Variants in RMC1 observed in about 807,000 individuals in gnomAD.
RMC1 encodes the protein regulator of MON1-CCZ1.
In RMC1, 44 loss-of-function variants were observed where a neutral mutation model predicts 95.5. That is an observed-to-expected ratio of 0.46 (90% CI 0.36 to 0.59). The LOEUF is 0.59. Ranked by LOEUF, RMC1 falls within the 20% of genes least tolerant of loss-of-function variation. RMC1 has a pLI of 0.00. For missense variants in RMC1, 705 were observed against 819.6 expected (o/e 0.86, Z 1.71); for synonymous variants, 320 against 303.6 (o/e 1.05, Z -0.56).
At chr18:23,523,237 C>T (rs2058191101) in intron 10 of RMC1, among the ~76,000 whole-genome samples, 1 of 152,058 alleles carries the variant, frequency 6.6e-6, no homozygotes. Context: ...CTGATTGTAC[C>T]TGGGTAATTG....
At chr18:23,527,734 G>T in intron 13 of RMC1, 61 bp from the exon 14 acceptor site, 1 of 1,358,662 alleles carries the variant, frequency 7.4e-7, no homozygotes, top group South Asian at 1.2e-5. Flanking sequence ...AGCAACGTGT[G>T]GAAATTCTGA....
At chr18:23,520,519 T>C (rs1008961218) in intron 10 of RMC1, among the ~76,000 whole-genome samples, 1 of 152,202 alleles carries the variant, frequency 6.6e-6, no homozygotes, top group Non-Finnish European at 1.5e-5. Context: ...GTAGGTAGTG[T>C]CGTGATCTTG....
chr18:23,503,834 TC>T (rs2057651509), intron 1 of RMC1, 114 bp downstream of exon 1: 1 of 894,966 alleles, frequency 1.1e-6, no homozygotes, highest in Non-Finnish European at 1.5e-6. Flanking sequence ...TCCCGTCCCG[TC>T]CCAGCGCGGG....
intron 14 of RMC1, 55 bp from the exon 15 acceptor site, chr18:23,529,124 C>A: frequency 6.3e-7 from 1 of 1,584,180 alleles, no homozygotes. Context: ...GAACTGTAAA[C>A]AGCACCCTTC....
At chr18:23,522,121 C>T (rs905998413) in intron 10 of RMC1, among the ~76,000 whole-genome samples, 37 of 152,252 alleles carry the variant, frequency 2.4e-4, no homozygotes, top group African/African-American at 8.9e-4. Flanking sequence ...GTCAGCCTGA[C>T]TGCCCTGTCT....
In RMC1 at chr18:23,529,680, C is replaced by T. The variant is rs772461731; in HGVS notation, c.1462C>T (p.Arg488Cys). The change falls in exon 16 of 20, where the codon CGT (arginine) becomes TGT (cysteine). Residue 488 changes from arginine (R) to cysteine (C), a missense_variant. Arg to Cys is a radical substitution (Grantham distance 180, BLOSUM62 -3). Transcript: ENST00000269221. ...FVIAVLMEYI[R>C]SLNQFQIAVQ... Reference sequence around the variant, plus strand: ...GATAGCCGTGCTGATGGAATACATTCGTTCTCTTAACCAGTTTCAGATTGC... The same window carrying T: ...GATAGCCGTGCTGATGGAATACATTTGTTCTCTTAACCAGTTTCAGATTGC... 3 of 1,614,000 alleles carry T rather than the reference C, an allele frequency of 1.9e-6. No homozygotes were observed. Among genetic ancestry groups the T allele is most frequent in the Admixed American group, 3.3e-5 (2 of 59,994 alleles).
rs779114087 is a variant in RMC1, at chr18:23,509,266, T to C, written c.395T>C (p.Ile132Thr). 47 of 1,439,246 alleles carry C rather than the reference T, an allele frequency of 3.3e-5. 1 individual carries two copies. In the East Asian group the frequency reaches 1.2e-3, roughly 36 times the overall value. The allele number at this position is 1,439,246 out of a possible 1,614,324, so 89.2% of individuals were successfully genotyped here. A position where few individuals can be genotyped will look rare whatever the true frequency, so the allele number is the denominator to read the frequency against. ...TEIVFITDQG[I>T]EFYQVLPEKR... ...ATTGTCTTCATAACAGATCAAGGAATCGAATTTTACCAGGTATTATGTTTA... is the reference window on the plus strand; with the variant it reads ...ATTGTCTTCATAACAGATCAAGGAACCGAATTTTACCAGGTATTATGTTTA... The change falls in exon 5 of 20, where the codon ATC becomes ACC. Residue 132 changes from isoleucine to threonine, a missense_variant. Coordinates refer to ENST00000269221, the MANE Select transcript of RMC1 (RefSeq NM_013326.5).
At position 23,529,695 on chromosome 18, in the gene RMC1, T is replaced by C. The variant is rs771501685; in HGVS notation, c.1477T>C (p.Phe493Leu). The C allele has an allele frequency of 2.2e-5, 35 of 1,613,872 alleles. No homozygotes were observed. Among genetic ancestry groups the C allele is most frequent in the Non-Finnish European group, 2.8e-5 (33 of 1,179,898 alleles). The change falls in exon 16 of 20, where the codon TTT becomes CTT. Residue 493 changes from phenylalanine (F) to leucine (L), a missense_variant. Coordinates refer to ENST00000269221, the MANE Select transcript of RMC1 (RefSeq NM_013326.5). ...GGAATACATTCGTTCTCTTAACCAGTTTCAGATTGCAGTACAGGTACCTTC... is the reference window on the plus strand; with the variant it reads ...GGAATACATTCGTTCTCTTAACCAGCTTCAGATTGCAGTACAGGTACCTTC... ...LMEYIRSLNQFQIAVQHYLHE... is the reference protein window; with the variant it reads ...LMEYIRSLNQLQIAVQHYLHE...
At chr18:23,515,149 G>A (rs530849189) in intron 5 of RMC1, among the ~76,000 whole-genome samples, 1 of 152,206 alleles carries the variant, frequency 6.6e-6, no homozygotes, top group South Asian at 2.1e-4. Context: ...TCTTTTGGCC[G>A]TTTCCTGGAT....
chr18:23,523,543 C>CGA (rs2058200769), intron 10 of RMC1, among the ~76,000 whole-genome samples: 4 of 76,406 alleles, frequency 5.2e-5, no homozygotes, highest in African/African-American at 2.3e-4. Flanking sequence ...CTTGTCTTCA[C>CGA]AAAAAAAAAA....
intron 12 of RMC1, among the ~76,000 whole-genome samples, chr18:23,524,704 C>T (rs2058242230): frequency 6.6e-6 from 1 of 151,892 alleles, no homozygotes. Flanking sequence ...ACTAAGAATG[C>T]CATTCTCCTG....
intron 7 of RMC1, among the ~76,000 whole-genome samples, 192 bp from the exon 8 acceptor site, chr18:23,518,698 T>C (rs1208380042): frequency 6.6e-6 from 1 of 152,242 alleles, no homozygotes; most frequent in Non-Finnish European, 1.5e-5. Context: ...AAGCTGTGTT[T>C]AGTGTGTGTT....
At position 23,529,960 on chromosome 18, in the gene RMC1, G is replaced by A. The variant is rs1273376009; in HGVS notation, c.1495-68G>A. 5 of 1,405,112 alleles carry A rather than the reference G, an allele frequency of 3.6e-6. No homozygotes were observed. The Admixed American group carries it at 7.1e-5, about 20-fold the overall frequency. The allele number at this position is 1,405,112 out of a possible 1,614,324, so 87.0% of individuals were successfully genotyped here. The stretch of plus-strand genomic sequence containing the variant: ...TGTTGGTTAGAATAGCCAGTCCTTG[G>A]GGAGCCTCTAGTCTGTTGTAGCTGA... On this transcript the variant is annotated intron_variant, in intron 16 of 19. Coordinates refer to ENST00000269221, the MANE Select transcript of RMC1 (RefSeq NM_013326.5).
rs757215027 is a variant in RMC1 at position 23,531,716 on chromosome 18, GT to G, written c.*19del. The G allele has an allele frequency of 1.3e-6, 2 of 1,598,764 alleles. No homozygotes were observed. The highest frequency in any genetic ancestry group is 1.1e-5 in the South Asian group (1 of 86,990). On this transcript the variant is annotated 3_prime_UTR_variant, in exon 20 of 20. Coordinates refer to ENST00000269221, the MANE Select transcript of RMC1 (RefSeq NM_013326.5). ...CTACAACATTCTGAAATCACTTGCT[GT>G]TTTTTTATATAAAAATGTGTACAAA... is the stretch of plus-strand genomic sequence containing the variant.
intron 5 of RMC1, among the ~76,000 whole-genome samples, chr18:23,514,945 G>A (rs1291239334): frequency 6.6e-6 from 1 of 152,052 alleles, no homozygotes; most frequent in African/African-American, 2.4e-5. Flanking sequence ...GGAATATTTA[G>A]GGTACATTGA....
intron 5 of RMC1, among the ~76,000 whole-genome samples, chr18:23,513,286 G>A (rs554792052): frequency 2.0e-5 from 3 of 152,296 alleles, no homozygotes; most frequent in Non-Finnish European, 4.4e-5. Context: ...TCATATAAGT[G>A]AAATTATACA....
intron 12 of RMC1, among the ~76,000 whole-genome samples, chr18:23,525,007 C>T (rs1205090735): frequency 1.6e-5 from 2 of 124,234 alleles, no homozygotes; most frequent in Non-Finnish European, 1.6e-5. Context: ...AGTGCAATGG[C>T]GTGATCTTGG....
intron 5 of RMC1, among the ~76,000 whole-genome samples, chr18:23,511,774 T>G (rs1199405574): frequency 6.6e-6 from 1 of 152,098 alleles, no homozygotes; most frequent in Non-Finnish European, 1.5e-5. Context: ...GGACATTGGC[T>G]GGTTTTCCAT....
intron 4 of RMC1, 146 bp from the exon 5 acceptor site, chr18:23,509,047 A>G (rs1277023990): frequency 3.0e-6 from 1 of 336,664 alleles, no homozygotes; most frequent in South Asian, 1.4e-4. Flanking sequence ...CATTGTATTT[A>G]AAAGAAAATT....
Sources: allele counts gnomAD v4.1 joint callset (sites outside exome capture counted in the v4.1 genomes callset), GRCh38; gene constraint gnomAD v4.1.1; transcripts MANE v1.5; gene names NCBI Gene and HGNC (gene_info 2026-07-23, HGNC 2026-07-21).